BRD4: variants seen among roughly 807,000 people sequenced by gnomAD.
The protein encoded by BRD4 is bromodomain-containing protein 4.
BRD4 carries 16 observed loss-of-function variants against 142.1 expected under a neutral mutation model. The observed-to-expected ratio is 0.11, with a 90% CI of 0.08 to 0.17. BRD4 has a LOEUF of 0.17. Ranked by LOEUF, BRD4 falls within the 10% of genes least tolerant of loss-of-function variation. The pLI is 1.00. For synonymous variants in BRD4, 833 were observed against 707.5 expected (o/e 1.18, Z -2.82); for missense variants, 1,424 against 1,810.9 (o/e 0.79, Z 3.88).
chr19:15,315,854 G>C (rs919288238), intron 1 of BRD4, among the ~76,000 whole-genome samples: 1 of 150,082 alleles, frequency 6.7e-6, no homozygotes, highest in East Asian at 2.0e-4. Flanking sequence ...TCAAAAAAAA[G>C]CACCTCAAGA....
In BRD4 at chr19:15,237,969, C is replaced by T. The variant is rs201907959; in HGVS notation, c.*408G>A. 2.1e-5 allele frequency: 5 copies of T among 242,480 alleles called. No individual in the cohort carries two copies. Among genetic ancestry groups the T allele is most frequent in the Non-Finnish European group, 4.0e-5 (5 of 124,416 alleles). 15.0% of individuals were successfully genotyped at this position (242,480 alleles called of 1,614,324 possible). A position where few individuals can be genotyped will look rare whatever the true frequency, so the allele number is the denominator to read the frequency against. On this transcript the variant is annotated 3_prime_UTR_variant, in exon 20 of 20. Transcript: ENST00000679869. Reference sequence around the variant, plus strand: ...CTGGGGTGTGGGGAAAGACTCCCGGCGGGCAGGACATCACGAACGTCACGT... The same window carrying T: ...CTGGGGTGTGGGGAAAGACTCCCGGTGGGCAGGACATCACGAACGTCACGT...
intron 1 of BRD4, among the ~76,000 whole-genome samples, chr19:15,286,789 A>G (rs1318282628): frequency 6.6e-6 from 1 of 152,226 alleles, no homozygotes; most frequent in Non-Finnish European, 1.5e-5. Context: ...ATCAGCTTTG[A>G]AAATTAATTA....
intron 1 of BRD4, among the ~76,000 whole-genome samples, chr19:15,307,282 G>A (rs1179234544): frequency 6.6e-6 from 1 of 152,158 alleles, no homozygotes; most frequent in Non-Finnish European, 1.5e-5. Flanking sequence ...AATTCCCTCT[G>A]CTGTGCTTGA....
intron 2 of BRD4, among the ~76,000 whole-genome samples, chr19:15,271,149 C>T (rs1034714553): frequency 6.6e-6 from 1 of 152,180 alleles, no homozygotes; most frequent in African/African-American, 2.4e-5. Context: ...GCTGCTGCTT[C>T]TCGGCAATCT....
chr19:15,250,637 G>A (rs1331736548), intron 11 of BRD4, among the ~76,000 whole-genome samples: 1 of 152,190 alleles, frequency 6.6e-6, no homozygotes, highest in African/African-American at 2.4e-5. Context: ...ACACCTCCCT[G>A]AGACCCTGTC....
intron 11 of BRD4, among the ~76,000 whole-genome samples, chr19:15,245,270 A>G (rs2047275481): frequency 6.6e-6 from 1 of 152,086 alleles, no homozygotes; most frequent in African/African-American, 2.4e-5. Flanking sequence ...ATGGCCCTCT[A>G]AGGCCCACTC....
At chr19:15,241,408 TC>T (rs1436330458) in intron 14 of BRD4, among the ~76,000 whole-genome samples, 1 of 152,226 alleles carries the variant, frequency 6.6e-6, no homozygotes, top group African/African-American at 2.4e-5. Flanking sequence ...CACGGATGAC[TC>T]CTGAAAGCTG....
chr19:15,242,964 C>G lies in BRD4; in HGVS notation c.3105G>C (p.Lys1035Asn), dbSNP rs201011250. The G allele has an allele frequency of 3.5e-6, 5 of 1,419,560 alleles. No individual in the cohort carries two copies. The African/African-American group carries it at 8.3e-5, about 23-fold the overall frequency. The allele number at this position is 1,419,560 out of a possible 1,614,324, so 87.9% of individuals were successfully genotyped here. A position where few individuals can be genotyped will look rare whatever the true frequency, so the allele number is the denominator to read the frequency against. Residue 1035 changes from lysine to asparagine, a missense_variant, in exon 14 of 20, where the codon AAG becomes AAC. Around this residue, in one of 16 missense-constraint regions of BRD4, gnomAD observed 598 missense variants for 647.8 expected, o/e 0.92. Transcript: ENST00000679869. Reference sequence around the variant, plus strand: ...GGTGGTGCTGGATGACTTGCTGAGGCTTGGCAGGCTGCGGCGGGGGTGGCT... The same window carrying G: ...GGTGGTGCTGGATGACTTGCTGAGGGTTGGCAGGCTGCGGCGGGGGTGGCT... ...GQQPPPPQPA[K>N]PQQVIQHHHS...
chr19:15,329,668 G>C (rs1348745695), intron 1 of BRD4, among the ~76,000 whole-genome samples: 1 of 152,162 alleles, frequency 6.6e-6, no homozygotes, highest in East Asian at 1.9e-4. Flanking sequence ...GAACCCAGGA[G>C]GCAGAGGTTG....
In BRD4 at chr19:15,243,311, C is replaced by A; in HGVS notation, c.2758G>T (p.Ala920Ser). 2.8e-6 allele frequency: 4 copies of A among 1,429,388 alleles called. No individual in the cohort carries two copies. The highest frequency in any genetic ancestry group is 2.7e-6 in the Non-Finnish European group (3 of 1,095,148). The allele number at this position is 1,429,388 out of a possible 1,614,324, so 88.5% of individuals were successfully genotyped here. ...QVLLEDEEPP[A>S]PPLTSMQMQL... ...ATCTGCATGGAGGTGAGGGGTGGGG[C>A]AGGTGGCTCTTCATCCTCCAGCAGC... Residue 920 changes from alanine to serine, a missense_variant, in exon 14 of 20, where the codon GCC becomes TCC. This residue lies in a region of BRD4 where 598 missense variants were observed against 647.8 expected (regional missense o/e 0.92). Coordinates refer to ENST00000679869, the MANE Select transcript of BRD4 (RefSeq NM_001379291.1).
At chr19:15,240,407 T>A (rs924527660) in intron 14 of BRD4, among the ~76,000 whole-genome samples, 1 of 152,292 alleles carries the variant, frequency 6.6e-6, no homozygotes, top group South Asian at 2.1e-4. Flanking sequence ...TGGGCCCTAA[T>A]ACTTTTTAAA....
In BRD4 at chr19:15,238,857, A is replaced by G. The variant is rs775086724; in HGVS notation, c.3906T>C (p.Ala1302=). Residue 1302 remains alanine, a synonymous_variant, in exon 19 of 20, where the codon GCT becomes GCC. Transcript: ENST00000679869. The surrounding 1 kb of genome is among the most constrained non-coding windows in gnomAD (Gnocchi z 7.2). The part of the protein sequence containing the change: ...EQQQQQQQQA[A]AVAAAATPQA... ...GTGGGGTGGCGGCGGCAGCCACCGC[A>G]GCTGCTTGCTGTTGCTGCTGCTGCT... The G allele has an allele frequency of 1.3e-5, 21 of 1,602,316 alleles. No homozygotes were observed. Among genetic ancestry groups the G allele is most frequent in the South Asian group, 2.2e-5 (2 of 89,538 alleles).
chr19:15,261,437 G>A (rs1432374834), intron 7 of BRD4, among the ~76,000 whole-genome samples: 4 of 151,882 alleles, frequency 2.6e-5, no homozygotes, highest in African/African-American at 7.3e-5. Flanking sequence ...AGCTGAGGTC[G>A]TGCCACTGCA....
intron 7 of BRD4, among the ~76,000 whole-genome samples, chr19:15,261,402 G>A (rs2047469750): frequency 6.6e-6 from 1 of 152,062 alleles, no homozygotes; most frequent in Non-Finnish European, 1.5e-5. Flanking sequence ...AGAACTGCTT[G>A]AACCAGGAGG....
At chr19:15,332,171 G>C (rs1436069935) in intron 1 of BRD4, 119 bp downstream of exon 1, 3 of 144,780 alleles carry the variant, frequency 2.1e-5, no homozygotes, top group Non-Finnish European at 4.6e-5. Context: ...CGCGCCGCGC[G>C]GATGGCGTAG....
intron 8 of BRD4, among the ~76,000 whole-genome samples, chr19:15,256,724 C>A (rs2047413218): frequency 6.6e-6 from 1 of 152,182 alleles, no homozygotes; most frequent in African/African-American, 2.4e-5. Context: ...CACCTCCTCT[C>A]TGCCCAGAAA....
At chr19:15,302,066 T>C (rs551220654) in intron 1 of BRD4, among the ~76,000 whole-genome samples, 56 of 150,168 alleles carry the variant, frequency 3.7e-4, no homozygotes, top group African/African-American at 1.2e-3. Flanking sequence ...ACTTGAGAGG[T>C]TGAGACTCCA....
intron 1 of BRD4, among the ~76,000 whole-genome samples, chr19:15,323,035 G>C (rs1392180932): frequency 6.6e-6 from 1 of 151,562 alleles, no homozygotes; most frequent in Non-Finnish European, 1.5e-5. Flanking sequence ...GGGTGACACA[G>C]TGAGACTCTG....
chr19:15,264,024 C>CA (rs1169486706), intron 6 of BRD4: 2 of 248,376 alleles, frequency 8.1e-6, no homozygotes, highest in African/African-American at 2.2e-5. Context: ...GCCTCCAACA[C>CA]AGAGGAGACA....
Sources: gnomAD v4.1 joint callset for allele counts (sites outside exome capture counted in the v4.1 genomes callset) on GRCh38, gnomAD v4.1.1 for gene constraint, gnomAD v4.1.1 regional missense constraint, Gnocchi (gnomAD v3.1) non-coding constraint, MANE v1.5 for transcripts, NCBI Gene and HGNC (gene_info 2026-07-23, HGNC 2026-07-21) for gene names.